Variants in RMDN2 observed in about 807,000 individuals in gnomAD.
RMDN2 encodes regulator of microtubule dynamics 2.
A neutral mutation model predicts 52.8 loss-of-function variants in RMDN2; 61 were observed. That is an observed-to-expected ratio of 1.16 (90% confidence interval 0.94 to 1.43). RMDN2 has a LOEUF of 1.43. Among genes scored for constraint, RMDN2 ranks in the 40% most tolerant of loss-of-function variants. The pLI is 0.00. For synonymous variants in RMDN2, 180 were observed against 153.1 expected (o/e 1.18, Z -1.30); for missense variants, 592 against 475.3 (o/e 1.25, Z -2.28).
At chr2:37,985,508 C>A (rs1050968648) in intron 5 of RMDN2, among the ~76,000 whole-genome samples, 4 of 152,084 alleles carry the variant, frequency 2.6e-5, no homozygotes, top group African/African-American at 9.7e-5. Context: ...TGTGGTCAAG[C>A]TTTGAGTCAG....
chr2:38,024,390 C>G (rs979483849), intron 10 of RMDN2, among the ~76,000 whole-genome samples: 1 of 152,172 alleles, frequency 6.6e-6, no homozygotes, highest in African/African-American at 2.4e-5. Flanking sequence ...ATTTCACATT[C>G]TCACCAACAG....
chr2:37,948,767 G>A (rs1007250638), intron 2 of RMDN2, among the ~76,000 whole-genome samples: 18 of 152,046 alleles, frequency 1.2e-4, no homozygotes, highest in Non-Finnish European at 2.5e-4. Context: ...CCCCAAATGC[G>A]CACACACCTA....
At chr2:38,048,466 G>A (rs572012400) in intron 10 of RMDN2, among the ~76,000 whole-genome samples, 2 of 152,332 alleles carry the variant, frequency 1.3e-5, no homozygotes, top group South Asian at 4.2e-4. Context: ...AGGATTACCT[G>A]TGGCTTCATG....
Position 37,969,836 on chromosome 2 carries a change from C to T in RMDN2, c.453-4204C>T, listed in dbSNP as rs932837885. On this transcript the variant is annotated intron_variant, in intron 2 of 10. Coordinates refer to ENST00000354545, the MANE Select transcript of RMDN2 (RefSeq NM_001170791.3). The stretch of plus-strand genomic sequence containing the variant: ...AGCCTTTTTCAGGTTTGAAAGGCTC[C>T]TCCCTCCCTCCCTTCCTTCCTATTT... 3.3e-5 allele frequency among the ~76,000 whole-genome samples: 5 copies of T among 151,006 alleles called. No individual in the cohort carries two copies. In the East Asian group the frequency reaches 5.8e-4, roughly 18 times the overall value.
At position 37,986,995 on chromosome 2, in the gene RMDN2, A is replaced by T. The variant is rs974018880; in HGVS notation, c.792-2546A>T. On this transcript the variant is annotated intron_variant, in intron 5 of 10. Coordinates refer to ENST00000354545, the MANE Select transcript of RMDN2 (RefSeq NM_001170791.3). The stretch of plus-strand genomic sequence containing the variant: ...TCTAGCTAATGCCATATAACAAGAA[A>T]AGAAAATAAAAGGTATGCAGATTGG... Among the ~76,000 whole-genome samples the T allele has an allele frequency of 3.3e-5, 5 of 152,166 alleles. No homozygotes were observed. In the East Asian group the frequency reaches 9.7e-4, roughly 30 times the overall value.
At chr2:37,953,611 C>T (rs1278115189) in intron 2 of RMDN2, among the ~76,000 whole-genome samples, 1 of 152,034 alleles carries the variant, frequency 6.6e-6, no homozygotes, top group African/African-American at 2.4e-5. Flanking sequence ...ATTTGGGTCA[C>T]TTCCATGTTT....
intron 2 of RMDN2, among the ~76,000 whole-genome samples, chr2:37,971,808 A>G (rs1671847308): frequency 1.3e-5 from 2 of 152,126 alleles, no homozygotes; most frequent in Admixed American, 1.3e-4. Flanking sequence ...GCTCCCTTTA[A>G]GAGTGCTTTG....
chr2:37,969,864 TC>T (rs771040668), intron 2 of RMDN2, among the ~76,000 whole-genome samples: 4 of 152,022 alleles, frequency 2.6e-5, no homozygotes, highest in Non-Finnish European at 5.9e-5. Flanking sequence ...TCCTATTTTT[TC>T]TTTCTTTTTT....
intron 10 of RMDN2, chr2:38,036,767 C>G (rs765110583): frequency 1.3e-5 from 2 of 152,252 alleles, no homozygotes; most frequent in Non-Finnish European, 2.9e-5. Context: ...CAGAGACAGA[C>G]CCTCGGATTC....
chr2:37,937,518 C>T (rs1014260493), intron 2 of RMDN2, among the ~76,000 whole-genome samples: 3 of 152,202 alleles, frequency 2.0e-5, no homozygotes, highest in African/African-American at 7.2e-5. Context: ...ATTGATTCTT[C>T]CTATCCATGA....
chr2:37,956,313 C>A (rs1442377672), intron 2 of RMDN2, among the ~76,000 whole-genome samples: 1 of 152,074 alleles, frequency 6.6e-6, no homozygotes. Flanking sequence ...TTCATTTCAT[C>A]TAGGTTAATC....
chr2:37,989,595 C>T lies in RMDN2; in HGVS notation c.846C>T (p.Ile282=), dbSNP rs1023186607. 6.2e-7 allele frequency: 1 copy of T among 1,605,846 alleles called. No individual in the cohort carries two copies. The highest frequency in any genetic ancestry group is 8.5e-7 in the Non-Finnish European group (1 of 1,175,320). The change falls in exon 6 of 11, where the codon ATC becomes ATT. Residue 282 remains isoleucine, a synonymous_variant. Transcript: ENST00000354545. ...VSEFEGLQNK[I]NYGHLFKEHL... ...AGTTTGAGGGTTTACAAAACAAAAT[C>T]AACTATGGGCACCTCTTCAAGGTAT...
intron 10 of RMDN2, among the ~76,000 whole-genome samples, chr2:38,024,034 A>T (rs1000640268): frequency 6.6e-6 from 1 of 152,274 alleles, no homozygotes; most frequent in African/African-American, 2.4e-5. Flanking sequence ...AAGTAGAATT[A>T]TGTGTTATAC....
intron 10 of RMDN2, among the ~76,000 whole-genome samples, chr2:38,009,532 A>G (rs1677633686): frequency 6.6e-6 from 1 of 152,140 alleles, no homozygotes; most frequent in African/African-American, 2.4e-5. Context: ...TTTGTCACGT[A>G]GTTCTCGTGC....
chr2:37,991,334 A>G, intron 7 of RMDN2, 37 bp downstream of exon 7: 2 of 1,020,946 alleles, frequency 2.0e-6, no homozygotes, highest in Non-Finnish European at 2.8e-6. Flanking sequence ...CTTTATTTGA[A>G]TATACTATGA....
At chr2:37,976,463 C>T (rs1672477998) in intron 4 of RMDN2, 1 of 152,218 alleles carries the variant, frequency 6.6e-6, no homozygotes, top group African/African-American at 2.4e-5. Flanking sequence ...AGAAAGATTT[C>T]TTCCCAGTCT....
At chr2:37,986,945 T>C (rs1227663779) in intron 5 of RMDN2, among the ~76,000 whole-genome samples, 3 of 152,088 alleles carry the variant, frequency 2.0e-5, no homozygotes, top group Non-Finnish European at 4.4e-5. Flanking sequence ...CTCTTACCAC[T>C]GCTTTTTAAC....
chr2:37,995,450 A>G (rs1318639974), intron 7 of RMDN2, among the ~76,000 whole-genome samples: 1 of 152,174 alleles, frequency 6.6e-6, no homozygotes, highest in Non-Finnish European at 1.5e-5. Context: ...TCACAAGGAA[A>G]GTGTTTATAA....
intron 10 of RMDN2, among the ~76,000 whole-genome samples, chr2:38,005,528 T>C (rs1434513485): frequency 2.0e-5 from 3 of 152,146 alleles, no homozygotes; most frequent in Admixed American, 6.5e-5. Context: ...TCATATCCTG[T>C]GCCCACTTTT....
Sources: allele counts gnomAD v4.1 joint callset (sites outside exome capture counted in the v4.1 genomes callset), GRCh38; gene constraint gnomAD v4.1.1; transcripts MANE v1.5; gene names NCBI Gene and HGNC (gene_info 2026-07-23, HGNC 2026-07-21).